The following FRY variants were observed in gnomAD, a reference collection of about 807,000 sequenced individuals.
The protein encoded by FRY is protein furry homolog.
A neutral mutation model predicts 348.4 loss-of-function variants in FRY; 128 were observed. The ratio of observed to expected loss-of-function variants is 0.37; its 90% CI spans 0.32 to 0.43. The LOEUF (loss-of-function observed/expected upper bound fraction) is 0.43. Ranked by LOEUF, FRY falls within the 20% of genes least tolerant of loss-of-function variation. FRY has a pLI of 1.00. For missense variants in FRY, 2,736 were observed against 3,695.2 expected (o/e 0.74, Z 6.73); for synonymous variants, 1,370 against 1,374.7 (o/e 1.00, Z 0.08).
At chr13:32,115,596 T>G (rs1878247856) in intron 3 of FRY, among the ~76,000 whole-genome samples, 1 of 152,230 alleles carries the variant, frequency 6.6e-6, no homozygotes, top group African/African-American at 2.4e-5. Flanking sequence ...TATTTCTTCT[T>G]TCATTTCACT....
chr13:32,246,074 G>GT (rs1209351594), intron 47 of FRY, among the ~76,000 whole-genome samples: 1 of 152,226 alleles, frequency 6.6e-6, no homozygotes, highest in Non-Finnish European at 1.5e-5. Flanking sequence ...CAGGAGACAG[G>GT]TGGTCAGTTG....
intron 30 of FRY, 127 bp from the exon 31 acceptor site, chr13:32,202,228 CT>C: frequency 1.2e-6 from 1 of 858,700 alleles, no homozygotes; most frequent in Non-Finnish European, 1.9e-6. Flanking sequence ...GATGTTTTAC[CT>C]TTAATTCTAT....
intron 1 of FRY, among the ~76,000 whole-genome samples, chr13:32,074,570 T>TA (rs2138511341): frequency 6.6e-6 from 1 of 152,254 alleles, no homozygotes; most frequent in South Asian, 2.1e-4. Flanking sequence ...GAGTTGGAGC[T>TA]AAAAAATTCA....
chr13:32,273,912 C>A (rs1888350582), intron 55 of FRY, among the ~76,000 whole-genome samples: 1 of 152,114 alleles, frequency 6.6e-6, no homozygotes, highest in Admixed American at 6.6e-5. Flanking sequence ...TCCAAAAATC[C>A]AAAATGCTCT....
chr13:32,180,889 T>C (rs1882665196), intron 23 of FRY, among the ~76,000 whole-genome samples: 1 of 152,086 alleles, frequency 6.6e-6, no homozygotes, highest in South Asian at 2.1e-4. Flanking sequence ...GATTTTATTC[T>C]TTTGTTTGTT....
At chr13:32,147,023 A>G (rs1025724937) in intron 11 of FRY, among the ~76,000 whole-genome samples, 1 of 152,222 alleles carries the variant, frequency 6.6e-6, no homozygotes, top group Admixed American at 6.5e-5. Flanking sequence ...TTGAGTACTC[A>G]TCTTGGCAAA....
intron 1 of FRY, among the ~76,000 whole-genome samples, chr13:32,076,373 G>C (rs1272790930): frequency 6.6e-6 from 1 of 152,154 alleles, no homozygotes; most frequent in African/African-American, 2.4e-5. Context: ...TGATGCCTTT[G>C]ATACCTGAGG....
chr13:32,205,230 C>T (rs971863196), intron 31 of FRY, among the ~76,000 whole-genome samples: 2 of 142,562 alleles, frequency 1.4e-5, no homozygotes, highest in African/African-American at 2.6e-5. Flanking sequence ...AAAAGGTGTG[C>T]GATCAAATGA....
At chr13:32,229,642 C>T (rs1464483142) in intron 40 of FRY, among the ~76,000 whole-genome samples, 1 of 152,288 alleles carries the variant, frequency 6.6e-6, no homozygotes, top group South Asian at 2.1e-4. Flanking sequence ...GTCAGTACCA[C>T]GTGTTTGGAA....
chr13:32,122,585 G>A (rs955583110), intron 4 of FRY, among the ~76,000 whole-genome samples: 3 of 152,076 alleles, frequency 2.0e-5, no homozygotes, highest in African/African-American at 7.2e-5. Context: ...ACATAATACT[G>A]AATGGGGAAA....
chr13:32,179,544 T>TG, intron 22 of FRY, 131 bp from the exon 23 acceptor site: 1 of 751,660 alleles, frequency 1.3e-6, no homozygotes, highest in Non-Finnish European at 2.3e-6. Flanking sequence ...TGTGTGTGTT[T>TG]CCTGAAATGA....
At chr13:32,274,548 C>CAA (rs1216179598) in intron 55 of FRY, among the ~76,000 whole-genome samples, 1 of 150,900 alleles carries the variant, frequency 6.6e-6, no homozygotes. Context: ...ACTAAAAATA[C>CAA]AAAAAATTAG....
At chr13:32,208,205 G>A (rs999657606) in intron 31 of FRY, among the ~76,000 whole-genome samples, 2 of 152,194 alleles carry the variant, frequency 1.3e-5, no homozygotes, top group African/African-American at 4.8e-5. Context: ...TGCAAAGTGG[G>A]TTTATTCTTC....
chr13:32,090,091 G>A (rs552605125), intron 2 of FRY, among the ~76,000 whole-genome samples: 2 of 152,232 alleles, frequency 1.3e-5, no homozygotes, highest in East Asian at 3.9e-4. Context: ...GCTCATGCCT[G>A]TAATCCCAGC....
intron 1 of FRY, among the ~76,000 whole-genome samples, chr13:32,042,819 A>T (rs1297756333): frequency 6.6e-6 from 1 of 152,194 alleles, no homozygotes; most frequent in Non-Finnish European, 1.5e-5. Flanking sequence ...AGCCAAATTG[A>T]CTTAGATGAA....
At position 32,294,484 on chromosome 13, in the gene FRY, G is replaced by T. The variant is rs1187006590; in HGVS notation, c.8697G>T (p.Thr2899=). Residue 2899 remains threonine (T), a synonymous_variant, in exon 60 of 61, where the codon ACG becomes ACT. Transcript: ENST00000542859. ...SDGAWSEPTF[T]STEAAIQSML... ...GCGCGTGGTCCGAGCCCACCTTCAC[G>T]TCCACTGAAGCAGCCATCCAGTCCA... 6.2e-7 allele frequency: 1 copy of T among 1,613,784 alleles called. No individual in the cohort carries two copies. Among genetic ancestry groups the T allele is most frequent in the African/African-American group, 1.3e-5 (1 of 74,890 alleles).
intron 19 of FRY, among the ~76,000 whole-genome samples, chr13:32,175,301 A>G (rs972308637): frequency 1.3e-5 from 2 of 152,216 alleles, no homozygotes; most frequent in Non-Finnish European, 2.9e-5. Context: ...AAATTCAGGT[A>G]TATGTCTTTT....
chr13:32,245,139 A>G (rs1886720358), intron 47 of FRY, among the ~76,000 whole-genome samples: 3 of 151,930 alleles, frequency 2.0e-5, no homozygotes, highest in Admixed American at 1.3e-4. Flanking sequence ...TAGTAGAGAC[A>G]GGGTTTCACC....
chr13:32,109,390 T>C (rs1877805722), intron 3 of FRY, among the ~76,000 whole-genome samples: 1 of 152,122 alleles, frequency 6.6e-6, no homozygotes, highest in Admixed American at 6.5e-5. Context: ...AACGCTATAA[T>C]AGAGGTTGTA....
Sources: allele counts gnomAD v4.1 joint callset (sites outside exome capture counted in the v4.1 genomes callset), GRCh38; gene constraint gnomAD v4.1.1; transcripts MANE v1.5; gene names NCBI Gene and HGNC (gene_info 2026-07-23, HGNC 2026-07-21).